ANKDD1A: variants seen among roughly 807,000 people sequenced by gnomAD.
ANKDD1A encodes the protein ankyrin repeat and death domain-containing protein 1A.
ANKDD1A carries 59 observed loss-of-function variants against 63.5 expected under a neutral mutation model. The observed-to-expected ratio is 0.93, with a 90% CI of 0.75 to 1.15. ANKDD1A has a LOEUF of 1.15. ANKDD1A is among the 50% of genes most tolerant of loss of function. The pLI, the probability that ANKDD1A is intolerant of heterozygous loss-of-function variation, is 0.00. For synonymous variants in ANKDD1A, 266 were observed against 263.9 expected, an observed-to-expected ratio of 1.01 and a Z score of -0.08; for missense variants, 632 against 656.4, an observed-to-expected ratio of 0.96 and a Z score of 0.41.
intron 4 of ANKDD1A, among the ~76,000 whole-genome samples, chr15:64,923,826 G>C (rs1210418812): frequency 6.6e-6 from 1 of 152,206 alleles, no homozygotes; most frequent in East Asian, 1.9e-4. Context: ...ATCCAGTGCT[G>C]TCTTGATGGA....
At chr15:64,927,048 C>A in intron 6 of ANKDD1A, 49 bp downstream of exon 6, 1 of 1,597,032 alleles carries the variant, frequency 6.3e-7, no homozygotes, top group Non-Finnish European at 8.6e-7. Context: ...GCAAAACTTG[C>A]CACCTTCCAG....
intron 9 of ANKDD1A, among the ~76,000 whole-genome samples, chr15:64,941,042 C>T (rs561093612): frequency 1.3e-5 from 2 of 152,296 alleles, no homozygotes; most frequent in Admixed American, 6.5e-5. Flanking sequence ...CACACCTGGC[C>T]TTGCCATTTC....
chr15:64,919,199 A>G (rs191418249), intron 3 of ANKDD1A, among the ~76,000 whole-genome samples: 1 of 152,242 alleles, frequency 6.6e-6, no homozygotes, highest in African/African-American at 2.4e-5. Flanking sequence ...GGAGGTCCCC[A>G]CTGTCAGGAG....
Position 64,958,126 on chromosome 15 carries a change from A to G in ANKDD1A, c.*938A>G, listed in dbSNP as rs2085436207. The G allele has an allele frequency of 6.6e-6, 1 of 152,288 alleles. No individual in the cohort carries two copies. Among genetic ancestry groups the G allele is most frequent in the East Asian group, 1.9e-4 (1 of 5,206 alleles). The allele number at this position is 152,288 out of a possible 1,614,324, so 9.4% of individuals were successfully genotyped here. On this transcript the variant is annotated 3_prime_UTR_variant, in exon 15 of 15. Coordinates refer to ENST00000319580, the MANE Select transcript of ANKDD1A (RefSeq NM_182703.6). ...AACAGGCAAAACTACAAAGACAGTA[A>G]AAAGATCAGTGATTTCCAGGAGCTG...
intron 14 of ANKDD1A, among the ~76,000 whole-genome samples, chr15:64,951,962 CTCTTCTT>C (rs1333910849): frequency 6.3e-5 from 9 of 141,736 alleles, no homozygotes; most frequent in African/African-American, 1.8e-4. Context: ...TTTCCTTCTG[CTCTTCTT>C]TCTTCTTCCT....
At chr15:64,953,163 TC>T (rs1389898334) in intron 14 of ANKDD1A, among the ~76,000 whole-genome samples, 4 of 21,576 alleles carry the variant, frequency 1.9e-4, no homozygotes, top group Admixed American at 1.7e-3. Flanking sequence ...CTTTCTTCTT[TC>T]CTTCTTTTCT....
intron 14 of ANKDD1A, among the ~76,000 whole-genome samples, chr15:64,956,365 C>T (rs936349297): frequency 4.6e-5 from 7 of 151,738 alleles, no homozygotes; most frequent in Non-Finnish European, 7.4e-5. Flanking sequence ...CTGGCTAACA[C>T]AGTGAAACCC....
chr15:64,919,115 G>A (rs28361877), intron 3 of ANKDD1A, among the ~76,000 whole-genome samples: 6,097 of 152,222 alleles, frequency 0.04, 196 homozygotes, highest in African/African-American at 0.081. Context: ...GTGATATGCC[G>A]CAGGACTCTG....
At chr15:64,942,754 T>C (rs2085194833) in intron 10 of ANKDD1A, among the ~76,000 whole-genome samples, 189 bp downstream of exon 10, 1 of 151,246 alleles carries the variant, frequency 6.6e-6, no homozygotes, top group Admixed American at 6.6e-5. Context: ...CATTCCCCTC[T>C]TTTGACATTT....
At chr15:64,929,677 A>G (rs2085073617) in intron 6 of ANKDD1A, among the ~76,000 whole-genome samples, 1 of 152,134 alleles carries the variant, frequency 6.6e-6, no homozygotes, top group African/African-American at 2.4e-5. Context: ...CCACATGATC[A>G]CCTGAAGACC....
intron 13 of ANKDD1A, among the ~76,000 whole-genome samples, chr15:64,948,852 C>T (rs2085245184): frequency 6.6e-6 from 1 of 152,010 alleles, no homozygotes; most frequent in African/African-American, 2.4e-5. Context: ...AGATTCCTGA[C>T]ACAAAAATAT....
intron 5 of ANKDD1A, 117 bp from the exon 6 acceptor site, chr15:64,926,784 G>T: frequency 9.7e-7 from 1 of 1,028,654 alleles, no homozygotes; most frequent in East Asian, 2.4e-5. Flanking sequence ...ACAGTGTCTG[G>T]GGCAGGAGAG....
intron 9 of ANKDD1A, among the ~76,000 whole-genome samples, chr15:64,938,818 G>A (rs915131316): frequency 6.6e-5 from 10 of 151,890 alleles, no homozygotes; most frequent in African/African-American, 1.2e-4. Flanking sequence ...GGTGGTGGGC[G>A]CCTGTAATCC....
In ANKDD1A at chr15:64,935,567, C is replaced by T. The variant is rs560993047; in HGVS notation, c.867+1333C>T. ...TCAGGCGCCTGTAGTCCCAGCTACT[C>T]AGGAGGCTGAGGCAGGAGAATGGCA... On this transcript the variant is annotated intron_variant, in intron 9 of 14. Coordinates refer to ENST00000319580, the MANE Select transcript of ANKDD1A (RefSeq NM_182703.6). Among the ~76,000 whole-genome samples the T allele has an allele frequency of 3.1e-4, 47 of 151,800 alleles. No individual in the cohort carries two copies. The East Asian group carries it at 7.4e-3, about 24-fold the overall frequency.
intron 14 of ANKDD1A, among the ~76,000 whole-genome samples, chr15:64,953,263 A>C (rs2085335615): frequency 9.0e-6 from 1 of 111,578 alleles, no homozygotes; most frequent in African/African-American, 3.5e-5. Context: ...TCTTCTTCTT[A>C]GTTCTTCCTC....
intron 14 of ANKDD1A, among the ~76,000 whole-genome samples, chr15:64,953,663 T>TTCTCCTTTTTCCTTTTCC (rs1555397894): frequency 1.5e-5 from 2 of 135,454 alleles, no homozygotes; most frequent in African/African-American, 5.7e-5. Context: ...CTTCTTTTCT[T>TTCTCCTTTTTCCTTTTCC]TCTTCTCCTT....
rs963878991 is a variant in ANKDD1A at position 64,931,001 on chromosome 15, G to A, written c.669+81G>A. 39 of 1,441,700 alleles carry A rather than the reference G, an allele frequency of 2.7e-5. No individual in the cohort carries two copies. In the Admixed American group the frequency reaches 5.1e-4, roughly 19 times the overall value. The allele number at this position is 1,441,700 out of a possible 1,614,324, so 89.3% of individuals were successfully genotyped here. ...CGAGGAACCCCCACCAGTCCATGGT[G>A]AAGTCTAAAGCCAGAAGGCTGAGGG... is the stretch of plus-strand genomic sequence containing the variant. On this transcript the variant is annotated intron_variant, in intron 7 of 14. Transcript: ENST00000319580.
intron 14 of ANKDD1A, chr15:64,950,728 C>CGGGGGGGG: frequency 3.1e-5 from 14 of 449,852 alleles, no homozygotes; most frequent in African/African-American, 1.5e-4. Context: ...AAGAAAGGAC[C>CGGGGGGGG]GCCCCCCCCC....
At chr15:64,934,267 C>T (rs1217667611) in intron 9 of ANKDD1A, 33 bp downstream of exon 9, 1 of 1,581,538 alleles carries the variant, frequency 6.3e-7, no homozygotes, top group South Asian at 1.1e-5. Context: ...AGGGGGTCTC[C>T]ATTGCAAAGC....
Sources: allele counts gnomAD v4.1 joint callset (sites outside exome capture counted in the v4.1 genomes callset), GRCh38; gene constraint gnomAD v4.1.1; transcripts MANE v1.5; gene names NCBI Gene and HGNC (gene_info 2026-07-23, HGNC 2026-07-21).